Variants in KANSL1 observed in about 807,000 individuals in gnomAD.
The protein encoded by KANSL1 is MLL1/MLL complex subunit KANSL1.
In KANSL1, 22 loss-of-function variants were observed where a neutral mutation model predicts 103.6. The observed-to-expected ratio is 0.21, with a 90% CI of 0.15 to 0.30. The LOEUF (loss-of-function observed/expected upper bound fraction) is 0.30. KANSL1 is among the 10% of genes least tolerant of loss of function. The probability of loss-of-function intolerance (pLI) is 1.00; values close to 1 mark genes in which losing one functional copy is unlikely to be tolerated. For synonymous variants in KANSL1, 600 were observed against 527.6 expected, an observed-to-expected ratio of 1.14 and a Z score of -1.88; for missense variants, 1,337 against 1,399.8, an observed-to-expected ratio of 0.96 and a Z score of 0.72.
intron 2 of KANSL1, among the ~76,000 whole-genome samples, chr17:46,129,168 ATT>A (rs1172382135): frequency 2.6e-5 from 4 of 152,220 alleles, no homozygotes; most frequent in Admixed American, 2.6e-4. Context: ...TGTTTGTCCT[ATT>A]CAGGTCCTTG....
At chr17:46,079,793 T>C (rs1025958404) in intron 4 of KANSL1, among the ~76,000 whole-genome samples, 3 of 151,992 alleles carry the variant, frequency 2.0e-5, no homozygotes, top group African/African-American at 4.8e-5. Flanking sequence ...CCTGGGCAAC[T>C]TGGTAAAACC....
chr17:46,074,802 A>AATAC (rs1436602247), intron 4 of KANSL1, among the ~76,000 whole-genome samples: 1 of 142,600 alleles, frequency 7.0e-6, no homozygotes, highest in African/African-American at 2.5e-5. Flanking sequence ...TAAATAAATA[A>AATAC]ATAAATATTG....
At chr17:46,037,557 T>G (rs1232163281) in intron 10 of KANSL1, 1 of 152,258 alleles carries the variant, frequency 6.6e-6, no homozygotes, top group African/African-American at 2.4e-5. Context: ...AAGAGCTGGC[T>G]CTACAGTCAG....
At chr17:46,194,933 A>G (rs988971841), upstream of KANSL1, among the ~76,000 whole-genome samples, 5 of 152,246 alleles carry the variant, frequency 3.3e-5, no homozygotes, top group African/African-American at 1.2e-4. Context: ...CACACTCTCA[A>G]GCATAGTCAT....
chr17:46,131,051 T>C (rs1056358773), intron 2 of KANSL1, among the ~76,000 whole-genome samples: 2 of 152,208 alleles, frequency 1.3e-5, no homozygotes, highest in African/African-American at 4.8e-5. Flanking sequence ...TGTCCTGGTT[T>C]TCAAGCACAA....
chr17:46,171,710 C>A lies in KANSL1; in HGVS notation c.434G>T (p.Gly145Val). 6.4e-7 allele frequency: 1 copy of A among 1,561,906 alleles called. No homozygotes were observed. Among genetic ancestry groups the A allele is most frequent in the Non-Finnish European group, 8.6e-7 (1 of 1,158,336 alleles). ...LENLRTMNTS[G>V]QTALPQAPVN... Reference sequence around the variant, plus strand: ...AGGTGCTTGTGGCAGAGCTGTCTGACCACTCGTATTCATGGTTCTAAGATT... The same window carrying A: ...AGGTGCTTGTGGCAGAGCTGTCTGAACACTCGTATTCATGGTTCTAAGATT... Residue 145 changes from glycine to valine, a missense_variant, in exon 2 of 15, where the codon GGT becomes GTT. Coordinates refer to ENST00000432791, the MANE Select transcript of KANSL1 (RefSeq NM_015443.4).
At chr17:46,146,069 TCTCTA>T (rs2044683981) in intron 2 of KANSL1, among the ~76,000 whole-genome samples, 1 of 152,188 alleles carries the variant, frequency 6.6e-6, no homozygotes, top group Admixed American at 6.5e-5. Context: ...ATTCTTTTGT[TCTCTA>T]CTCTAGCAGC....
chr17:46,159,062 G>A (rs2045590074), intron 2 of KANSL1, among the ~76,000 whole-genome samples: 1 of 152,164 alleles, frequency 6.6e-6, no homozygotes, highest in African/African-American at 2.4e-5. Context: ...GTTGCCTCAT[G>A]AGAAAAGCAG....
chr17:46,167,016 GA>G (rs1198229254), intron 2 of KANSL1, among the ~76,000 whole-genome samples: 175 of 89,024 alleles, frequency 2.0e-3, no homozygotes, highest in African/African-American at 6.7e-3. Context: ...AGAAAAAAAA[GA>G]AAAAAAAAAT....
At chr17:46,132,286 T>C (rs998449814) in intron 2 of KANSL1, among the ~76,000 whole-genome samples, 1 of 152,240 alleles carries the variant, frequency 6.6e-6, no homozygotes, top group Non-Finnish European at 1.5e-5. Flanking sequence ...TAAAGGAAGA[T>C]AGTACCTACT....
intron 7 of KANSL1, chr17:46,042,523 A>G (rs2077361287): frequency 6.6e-6 from 1 of 152,176 alleles, no homozygotes; most frequent in Non-Finnish European, 1.5e-5. Flanking sequence ...ATACAACCCT[A>G]AAGCCCATAC....
intron 2 of KANSL1, among the ~76,000 whole-genome samples, chr17:46,161,341 C>A (rs1160663690): frequency 1.3e-5 from 2 of 150,868 alleles, no homozygotes; most frequent in Non-Finnish European, 2.9e-5. Context: ...GAGGCTGAGG[C>A]AGGAGAATGG....
At chr17:46,095,472 G>A (rs1397555536) in intron 2 of KANSL1, among the ~76,000 whole-genome samples, 3 of 152,118 alleles carry the variant, frequency 2.0e-5, no homozygotes, top group Non-Finnish European at 4.4e-5. Flanking sequence ...AAAAGATAAC[G>A]GGAAATTTTT....
At chr17:46,192,787 C>CAGG (rs143625699) in intron 1 of KANSL1, 36 bp downstream of exon 1, 2 of 158,018 alleles carry the variant, frequency 1.3e-5, no homozygotes, top group Non-Finnish European at 2.8e-5. Flanking sequence ...GAAAGGGCAG[C>CAGG]AGGAGGAGGA....
chr17:46,096,148 T>G (rs1568443039), intron 2 of KANSL1, among the ~76,000 whole-genome samples: 3 of 143,844 alleles, frequency 2.1e-5, no homozygotes, highest in African/African-American at 7.4e-5. Flanking sequence ...TTTTTTTTTT[T>G]TTTTCCTGAG....
At chr17:46,189,445 CAAG>C (rs962328451) in intron 1 of KANSL1, among the ~76,000 whole-genome samples, 1 of 151,842 alleles carries the variant, frequency 6.6e-6, no homozygotes, top group African/African-American at 2.4e-5. Context: ...ATGGACTCAC[CAAG>C]AAGAAAAAAA....
chr17:46,052,129 A>G (rs1053147998), intron 6 of KANSL1, among the ~76,000 whole-genome samples: 3 of 152,230 alleles, frequency 2.0e-5, no homozygotes, highest in African/African-American at 7.2e-5. Context: ...GATGAAAATG[A>G]GATCACACAG....
At chr17:46,147,628 A>G (rs985224053) in intron 2 of KANSL1, among the ~76,000 whole-genome samples, 1 of 151,754 alleles carries the variant, frequency 6.6e-6, no homozygotes, top group African/African-American at 2.4e-5. Flanking sequence ...AGAGAGAGAG[A>G]GAAAGATCTC....
At chr17:46,034,102 G>A (rs1015655744) in intron 11 of KANSL1, 59 bp downstream of exon 11, 4 of 1,597,142 alleles carry the variant, frequency 2.5e-6, no homozygotes, top group African/African-American at 2.7e-5. Context: ...GAAGAGAAGA[G>A]GGAAAAAGGG....
Sources: gnomAD v4.1 joint callset for allele counts (sites outside exome capture counted in the v4.1 genomes callset) on GRCh38, gnomAD v4.1.1 for gene constraint, MANE v1.5 for transcripts, NCBI Gene and HGNC (gene_info 2026-07-23, HGNC 2026-07-21) for gene names.